NRG1: variants seen among roughly 807,000 people sequenced by gnomAD.
The protein encoded by NRG1 is pro-neuregulin-1, membrane-bound isoform.
NRG1 carries 18 observed loss-of-function variants against 63.8 expected under a neutral mutation model. The ratio of observed to expected loss-of-function variants is 0.28; its 90% confidence interval spans 0.19 to 0.42. NRG1 has a LOEUF of 0.42. Among genes scored for constraint, NRG1 ranks in the 10% least tolerant of loss-of-function variants. The pLI is 1.00. For missense variants in NRG1, 762 were observed against 814.7 expected (o/e 0.94, Z 0.79); for synonymous variants, 302 against 301.3 (o/e 1.00, Z -0.02).
intron 1 of NRG1, among the ~76,000 whole-genome samples, chr8:32,314,423 A>T (rs1265872379): frequency 7.3e-6 from 1 of 136,542 alleles, no homozygotes; most frequent in Non-Finnish European, 1.5e-5. Flanking sequence ...CAGATAACCG[A>T]GGGAGGGAAT....
intron 1 of NRG1, among the ~76,000 whole-genome samples, chr8:32,021,709 T>A (rs1563688738): frequency 1.0e-5 from 1 of 96,204 alleles, no homozygotes; most frequent in Non-Finnish European, 3.1e-5. Context: ...TCATAAAAAA[T>A]GTATCTATCA....
intron 1 of NRG1, among the ~76,000 whole-genome samples, chr8:32,484,115 A>G (rs1825639704): frequency 6.6e-6 from 1 of 151,616 alleles, no homozygotes; most frequent in South Asian, 2.1e-4. Context: ...AAAAAAAAAA[A>G]AGAAAGTTTG....
chr8:31,851,878 G>A (rs1372781838), intron 1 of NRG1, among the ~76,000 whole-genome samples: 97 of 150,882 alleles, frequency 6.4e-4, no homozygotes, highest in African/African-American at 1.0e-3. Context: ...TTGTTCTTGC[G>A]ATAGTTTACT....
chr8:32,771,426 TTA>T (rs112705371), downstream of NRG1, among the ~76,000 whole-genome samples: 7 of 151,458 alleles, frequency 4.6e-5, 1 homozygote, highest in African/African-American at 1.7e-4. Flanking sequence ...ACCCATAACT[TTA>T]TGTTTGTTTT....
chr8:32,601,542 A>G (rs1193622375), intron 2 of NRG1, among the ~76,000 whole-genome samples: 1 of 152,138 alleles, frequency 6.6e-6, no homozygotes, highest in African/African-American at 2.4e-5. Flanking sequence ...TGTAAGACTT[A>G]GCAATCCCAA....
At chr8:32,474,263 C>G (rs564057198) in intron 1 of NRG1, among the ~76,000 whole-genome samples, 2 of 152,276 alleles carry the variant, frequency 1.3e-5, no homozygotes, top group South Asian at 2.1e-4. Flanking sequence ...GCCCATTCCT[C>G]AAAACATTCT....
chr8:32,558,599 A>G (rs931473177), intron 1 of NRG1, among the ~76,000 whole-genome samples: 1 of 152,202 alleles, frequency 6.6e-6, no homozygotes, highest in African/African-American at 2.4e-5. Flanking sequence ...TGTGCCTCTG[A>G]TATCACAGGA....
chr8:32,409,179 C>T (rs1347918486), intron 1 of NRG1, among the ~76,000 whole-genome samples: 1 of 152,018 alleles, frequency 6.6e-6, no homozygotes, highest in African/African-American at 2.4e-5. Flanking sequence ...ATAAATGGTG[C>T]TAGGAAAATT....
intron 1 of NRG1, among the ~76,000 whole-genome samples, chr8:32,572,274 AC>A (rs140069393): frequency 0.012 from 1,763 of 152,254 alleles, 24 homozygotes; most frequent in Admixed American, 0.044. Context: ...GCTAATTCCC[AC>A]AGAAAAACTC....
intron 1 of NRG1, among the ~76,000 whole-genome samples, chr8:32,537,485 C>T (rs1408387403): frequency 6.6e-6 from 1 of 152,140 alleles, no homozygotes; most frequent in Non-Finnish European, 1.5e-5. Flanking sequence ...ATTACCTTTT[C>T]ACTAATTACT....
intron 1 of NRG1, among the ~76,000 whole-genome samples, chr8:32,537,195 C>CAAAAAAAAAAAAAAAAAAAAAAA: frequency 2.3e-5 from 1 of 43,814 alleles, no homozygotes; most frequent in African/African-American, 1.0e-4. Flanking sequence ...GACTCCATCT[C>CAAAAAAAAAAAAAAAAAAAAAAA]AAAAAAAAAA....
At chr8:31,761,002 C>T (rs1438908702) in intron 1 of NRG1, among the ~76,000 whole-genome samples, 3 of 152,108 alleles carry the variant, frequency 2.0e-5, no homozygotes, top group Non-Finnish European at 2.9e-5. Flanking sequence ...CACATGCACA[C>T]GTATGTTTAT....
intron 1 of NRG1, among the ~76,000 whole-genome samples, chr8:32,549,179 C>A (rs935091024): frequency 1.3e-5 from 2 of 152,248 alleles, no homozygotes; most frequent in Non-Finnish European, 2.9e-5. Flanking sequence ...GTCGAGGCTG[C>A]GTGCGCGCGT....
intron 1 of NRG1, among the ~76,000 whole-genome samples, chr8:31,777,553 C>T (rs1458320548): frequency 6.6e-6 from 1 of 152,174 alleles, no homozygotes; most frequent in Non-Finnish European, 1.5e-5. Flanking sequence ...GCATTGTTCC[C>T]CTGTTCTTAG....
intron 1 of NRG1, among the ~76,000 whole-genome samples, chr8:32,380,882 T>C (rs1312356353): frequency 2.0e-5 from 3 of 152,220 alleles, no homozygotes; most frequent in Non-Finnish European, 4.4e-5. Context: ...ATCCATCACC[T>C]TTTAAAAGTA....
At chr8:31,898,189 G>T (rs1437058420) in intron 1 of NRG1, among the ~76,000 whole-genome samples, 1 of 152,054 alleles carries the variant, frequency 6.6e-6, no homozygotes, top group Non-Finnish European at 1.5e-5. Context: ...ACCCAACCAT[G>T]TAAGGCACAT....
intron 1 of NRG1, among the ~76,000 whole-genome samples, chr8:31,817,207 C>T (rs990473710): frequency 6.6e-6 from 1 of 152,196 alleles, no homozygotes; most frequent in Non-Finnish European, 1.5e-5. Flanking sequence ...TGCATTAGTG[C>T]ACCTAAGAAT....
intron 1 of NRG1, among the ~76,000 whole-genome samples, chr8:31,685,442 C>T (rs1311620950): frequency 6.6e-6 from 1 of 152,108 alleles, no homozygotes; most frequent in Non-Finnish European, 1.5e-5. Flanking sequence ...TAAAAGTTTT[C>T]ACATTATAAA....
chr8:31,709,896 T>C (rs1304154170), intron 1 of NRG1, among the ~76,000 whole-genome samples: 1 of 151,798 alleles, frequency 6.6e-6, no homozygotes, highest in Non-Finnish European at 1.5e-5. Flanking sequence ...ATTTTTAAAA[T>C]GTATTTATTC....
Sources: allele counts gnomAD v4.1 joint callset (sites outside exome capture counted in the v4.1 genomes callset), GRCh38; gene constraint gnomAD v4.1.1; transcripts MANE v1.5; gene names NCBI Gene and HGNC (gene_info 2026-07-23, HGNC 2026-07-21).